Variants in CD151 observed in about 807,000 individuals in gnomAD.
CD151 encodes the protein CD151 molecule (Raph blood group).
In CD151, 20 loss-of-function variants were observed where a neutral mutation model predicts 34.2. The ratio of observed to expected loss-of-function variants is 0.58; its 90% CI spans 0.41 to 0.85. The LOEUF (loss-of-function observed/expected upper bound fraction) is 0.85, where lower values mean the gene tolerates loss of function less well. Ranked by LOEUF, CD151 falls within the 40% of genes least tolerant of loss-of-function variation. The pLI is 0.00. For missense variants in CD151, 306 were observed against 324.5 expected (o/e 0.94, Z 0.44); for synonymous variants, 157 against 131.7 (o/e 1.19, Z -1.32).
At chr11:838,111 G>A in intron 8 of CD151, 22 bp from the exon 9 acceptor site, 1 of 1,612,316 alleles carries the variant, frequency 6.2e-7, no homozygotes, top group East Asian at 2.2e-5. Context: ...GTCTGCTTAC[G>A]CCCACCCGGC....
chr11:836,065 C>T lies in CD151; in HGVS notation c.-5C>T. The T allele has an allele frequency of 6.2e-7, 1 of 1,607,020 alleles. No individual in the cohort carries two copies. The highest frequency in any genetic ancestry group is 1.1e-5 in the South Asian group (1 of 90,860). On this transcript the variant is annotated splice_region_variant and 5_prime_UTR_variant, in exon 3 of 9. Coordinates refer to ENST00000397420, the MANE Select transcript of CD151 (RefSeq NM_004357.5). ...TGACCCCTCCCCTGCCTCCTCAGCC[C>T]CAGGATGGGTGAGTTCAACGAGAAG...
At position 837,992 on chromosome 11, in the gene CD151, C is replaced by T. The variant is rs576870672; in HGVS notation, c.666C>T (p.Val222=). The T allele has an allele frequency of 1.2e-6, 2 of 1,613,420 alleles. No homozygotes were observed. The highest frequency in any genetic ancestry group is 1.7e-6 in the Non-Finnish European group (2 of 1,179,850). The change falls in exon 8 of 9, where the codon GTC becomes GTT. Residue 222 remains valine (V), a synonymous_variant. Transcript: ENST00000397420. Reference sequence around the variant, plus strand: ...CCTTCATCCAGGAGCACCTGAGGGTCATTGGGGCTGTGGGGATCGGCATTG... The same window carrying T: ...CCTTCATCCAGGAGCACCTGAGGGTTATTGGGGCTGTGGGGATCGGCATTG... ...LETFIQEHLR[V]IGAVGIGIAC...
At chr11:837,909 G>A (rs945847747) in intron 7 of CD151, 33 bp from the exon 8 acceptor site, 7 of 1,556,384 alleles carry the variant, frequency 4.5e-6, no homozygotes, top group Non-Finnish European at 6.2e-6. Flanking sequence ...GTGCCCCCTG[G>A]GCCCGCCTTC....
intron 2 of CD151, chr11:835,719 ACT>A (rs1475366828): frequency 4.8e-6 from 1 of 207,048 alleles, no homozygotes; most frequent in Non-Finnish European, 9.7e-6. Flanking sequence ...ATGGAGTCTC[ACT>A]CTGTCGCCCA....
chr11:837,167 C>A (rs1483968350), intron 5 of CD151, 83 bp from the exon 6 acceptor site: 4 of 1,185,384 alleles, frequency 3.4e-6, no homozygotes, highest in African/African-American at 1.5e-5. Flanking sequence ...CCCGGGCCTC[C>A]CCACCGGCCA....
At position 837,544 on chromosome 11, in the gene CD151, C is replaced by T. The variant is rs1846822053; in HGVS notation, c.541C>T (p.Pro181Ser). The change falls in exon 7 of 9, where the codon CCA becomes TCA. Residue 181 changes from proline (P) to serine (S), a missense_variant. Physicochemically the swap from Pro to Ser is moderately conservative, Grantham distance 74 (BLOSUM62 -1). Coordinates refer to ENST00000397420, the MANE Select transcript of CD151 (RefSeq NM_004357.5). ...ACAGGAGGCCGGTGGCCGTGTGGTC[C>T]CAGACAGCTGCTGCAAGACGGTGGT... ...RSQEAGGRVV[P>S]DSCCKTVVAL... The T allele has an allele frequency of 6.2e-7, 1 of 1,613,066 alleles. No homozygotes were observed. Among genetic ancestry groups the T allele is most frequent in the Non-Finnish European group, 8.5e-7 (1 of 1,179,952 alleles).
Position 837,540 on chromosome 11 carries a change from G to C in CD151, c.537G>C (p.Val179=). 1 of 1,613,094 alleles carries C rather than the reference G, an allele frequency of 6.2e-7. No individual in the cohort carries two copies. The highest frequency in any genetic ancestry group is 8.5e-7 in the Non-Finnish European group (1 of 1,179,950). The part of the protein sequence containing the change: ...WIRSQEAGGR[V]VPDSCCKTVV... ...GCTCACAGGAGGCCGGTGGCCGTGTGGTCCCAGACAGCTGCTGCAAGACGG... is the reference window on the plus strand; with the variant it reads ...GCTCACAGGAGGCCGGTGGCCGTGTCGTCCCAGACAGCTGCTGCAAGACGG... The change falls in exon 7 of 9, where the codon GTG becomes GTC. Residue 179 remains valine (V), a synonymous_variant. Coordinates refer to ENST00000397420, the MANE Select transcript of CD151 (RefSeq NM_004357.5).
At chr11:837,658 G>T (rs1188090199) in intron 7 of CD151, 40 bp downstream of exon 7, 1 of 1,531,976 alleles carries the variant, frequency 6.5e-7, no homozygotes, top group Non-Finnish European at 8.8e-7. Context: ...TGTCTACGAG[G>T]TGGTGGGGGG....
chr11:837,205 G>A (rs371886491), intron 5 of CD151, 45 bp from the exon 6 acceptor site: 3 of 1,516,114 alleles, frequency 2.0e-6, no homozygotes, highest in Non-Finnish European at 2.7e-6. Context: ...CCCCACCTTG[G>A]AAGGTCTTAG....
rs1229107342 is a variant in CD151 at position 837,234 on chromosome 11, T to C, written c.352-16T>C. On this transcript the variant is annotated splice_polypyrimidine_tract_variant and intron_variant, in intron 5 of 8. Transcript: ENST00000397420. ...GTCTTAGACTGAGGCTGAAGTTTCC[T>C]GCACCCCAACCCCAGCTGAACACGG... is the stretch of plus-strand genomic sequence containing the variant. The C allele has an allele frequency of 6.2e-7, 1 of 1,605,118 alleles. No homozygotes were observed. Among genetic ancestry groups the C allele is most frequent in the South Asian group, 1.1e-5 (1 of 90,922 alleles).
chr11:838,122 T>A lies in CD151; in HGVS notation c.703-11T>A. 1 of 1,612,988 alleles carries A rather than the reference T, an allele frequency of 6.2e-7. No homozygotes were observed. Among genetic ancestry groups the A allele is most frequent in the Non-Finnish European group, 8.5e-7 (1 of 1,179,658 alleles). ...TGACGTCTGCTTACGCCCACCCGGC[T>A]CTGCACACAGGTCTTTGGCATGATC... is the stretch of plus-strand genomic sequence containing the variant. On this transcript the variant is annotated splice_polypyrimidine_tract_variant and intron_variant, in intron 8 of 8. Transcript: ENST00000397420.
In CD151 at chr11:838,356, C is replaced by CCAG; in HGVS notation, c.*168_*170dup. The stretch of plus-strand genomic sequence containing the variant: ...AGTGCCTTTTGCTGCGCACCAATGC[C>CCAG]CAGCAGGGGAGGTGAGGGGGGCTGG... On this transcript the variant is annotated 3_prime_UTR_variant, in exon 9 of 9. Transcript: ENST00000397420. 1.6e-6 allele frequency: 1 copy of CCAG among 609,824 alleles called. No homozygotes were observed. Among genetic ancestry groups the CCAG allele is most frequent in the Non-Finnish European group, 2.9e-6 (1 of 344,280 alleles). 37.8% of individuals were successfully genotyped at this position (609,824 alleles called of 1,614,324 possible).
At chr11:833,540 C>CCTGATAG (rs1846621872) in intron 1 of CD151, among the ~76,000 whole-genome samples, 1 of 152,216 alleles carries the variant, frequency 6.6e-6, no homozygotes. Flanking sequence ...TGGGGCTCCC[C>CCTGATAG]CTGATAGGGC....
intron 5 of CD151, 175 bp downstream of exon 5, chr11:837,018 G>C (rs1846801271): frequency 1.5e-6 from 1 of 669,670 alleles, no homozygotes; most frequent in East Asian, 2.7e-5. Context: ...CATGGGGTCA[G>C]GCAGGTGTCC....
Position 837,591 on chromosome 11 carries a change from C to A in CD151, c.588C>A (p.Asp196Glu), listed in dbSNP as rs753891282. Residue 196 changes from aspartate (D) to glutamate (E), a missense_variant, in exon 7 of 9, where the codon GAC (aspartate) becomes GAA (glutamate). Coordinates refer to ENST00000397420, the MANE Select transcript of CD151 (RefSeq NM_004357.5). ...KTVVALCGQR[D>E]HASNIYKVEG... ...TGGTGGCTCTTTGTGGGCAGCGAGA[C>A]CATGCCTCCAACATCTACAAGGTGG... is the stretch of plus-strand genomic sequence containing the variant. 2 of 1,612,710 alleles carry A rather than the reference C, an allele frequency of 1.2e-6. No homozygotes were observed. Among genetic ancestry groups the A allele is most frequent in the South Asian group, 2.2e-5 (2 of 91,060 alleles).
intron 4 of CD151, 70 bp downstream of exon 4, chr11:836,512 T>C (rs1302822633): frequency 8.2e-7 from 1 of 1,214,612 alleles, no homozygotes; most frequent in African/African-American, 1.5e-5. Flanking sequence ...GCTGCAGGCT[T>C]TGAACCTGTG....
At chr11:837,691 G>A in intron 7 of CD151, 73 bp downstream of exon 7, 3 of 1,476,508 alleles carry the variant, frequency 2.0e-6, no homozygotes, top group South Asian at 1.2e-5. Context: ...CTGGCTGTGG[G>A]CAGTGGGACA....
chr11:837,144 C>A, intron 5 of CD151, 106 bp from the exon 6 acceptor site: 1 of 921,532 alleles, frequency 1.1e-6, no homozygotes, highest in Non-Finnish European at 1.8e-6. Context: ...TTCCCTGTGG[C>A]TCTGAGCTGG....
intron 1 of CD151, among the ~76,000 whole-genome samples, chr11:833,589 T>A (rs7947690): frequency 6.6e-6 from 1 of 152,048 alleles, no homozygotes; most frequent in Non-Finnish European, 1.5e-5. Flanking sequence ...CCCGGGGACT[T>A]GGGGAGGAAC....
Sources: gnomAD v4.1 joint callset for allele counts (sites outside exome capture counted in the v4.1 genomes callset) on GRCh38, gnomAD v4.1.1 for gene constraint, MANE v1.5 for transcripts, NCBI Gene and HGNC (gene_info 2026-07-23, HGNC 2026-07-21) for gene names.